The following XK variants were observed in gnomAD, a reference collection of about 807,000 sequenced individuals.
The protein encoded by XK is endoplasmic reticulum membrane adapter protein XK.
In XK, 2 loss-of-function variants were observed where a neutral mutation model predicts 14.0. That is an observed-to-expected ratio of 0.14 (90% CI 0.06 to 0.45). The LOEUF (loss-of-function observed/expected upper bound fraction) is 0.45, where lower values mean the gene tolerates loss of function less well. XK is among the 20% of genes least tolerant of loss of function. The pLI, the probability that XK is intolerant of heterozygous loss-of-function variation, is 0.98. For synonymous variants in XK, 149 were observed against 147.5 expected (o/e 1.01, Z -0.08); for missense variants, 235 against 341.5 (o/e 0.69, Z 2.46).
In XK at chrX:37,707,574, C is replaced by T. The variant is rs1212507837; in HGVS notation, c.508+13026C>T. ...GGGGCTCCTCACTTCTCAGACGGGGCGGCCGGGCAGAGATGCTCCTCACCT... is the reference window on the plus strand; with the variant it reads ...GGGGCTCCTCACTTCTCAGACGGGGTGGCCGGGCAGAGATGCTCCTCACCT... On this transcript the variant is annotated intron_variant, in intron 2 of 2. Transcript: ENST00000378616. 7.3e-5 allele frequency among the ~76,000 whole-genome samples: 8 copies of T among 109,007 alleles called. No homozygotes were observed. In the East Asian group the frequency reaches 1.8e-3, roughly 24 times the overall value. 94.7% of individuals were successfully genotyped at this position (109,007 alleles called of 115,157 possible).
Position 37,716,833 on chromosome X carries a change from A to G in XK, c.509-10803A>G, listed in dbSNP as rs373508197. On this transcript the variant is annotated intron_variant, in intron 2 of 2. Coordinates refer to ENST00000378616, the MANE Select transcript of XK (RefSeq NM_021083.4). The stretch of plus-strand genomic sequence containing the variant: ...TTGTTTGTTTTTTTGGTGTAACTCA[A>G]CTCACTGATGTCCCTTTTCTCTGCC... Among the ~76,000 whole-genome samples the G allele has an allele frequency of 3.6e-5, 4 of 111,558 alleles. No homozygotes were observed. The East Asian group carries it at 1.1e-3, about 31-fold the overall frequency.
At chrX:37,708,313 C>T (rs1192232411) in intron 2 of XK, among the ~76,000 whole-genome samples, 1 of 111,637 alleles carries the variant, frequency 9.0e-6, no homozygotes, top group Non-Finnish European at 1.9e-5. Flanking sequence ...AGGAGTGAAA[C>T]AAGATGCTGC....
In XK at chrX:37,685,994, G is replaced by C. The variant is rs1434040873; in HGVS notation, c.33G>C (p.Val11=). The C allele has an allele frequency of 5.8e-6, 7 of 1,207,772 alleles. No individual in the cohort carries two copies. Among genetic ancestry groups the C allele is most frequent in the Middle Eastern group, 2.7e-4 (1 of 3,741 alleles). MKFPASVLAS[V]FLFVAETTAA... is the part of the protein sequence containing the mutation. ...TCCCGGCCTCGGTGCTGGCGTCCGT[G>C]TTCCTGTTCGTGGCCGAGACAACGG... is the stretch of plus-strand genomic sequence containing the variant. The change falls in exon 1 of 3, where the codon GTG becomes GTC. Residue 11 remains valine, a synonymous_variant. Transcript: ENST00000378616.
chrX:37,713,923 A>G (rs1486396216), intron 2 of XK, among the ~76,000 whole-genome samples: 1 of 112,087 alleles, frequency 8.9e-6, no homozygotes, highest in East Asian at 2.8e-4. Context: ...CCTTGAACAC[A>G]TGGAAGGGTG....
intron 2 of XK, among the ~76,000 whole-genome samples, chrX:37,720,613 C>T (rs1322726206): frequency 2.7e-5 from 3 of 110,196 alleles, no homozygotes; most frequent in Non-Finnish European, 3.8e-5. Flanking sequence ...CTACTTCTTC[C>T]GTCACCCAAA....
intron 2 of XK, among the ~76,000 whole-genome samples, chrX:37,706,251 T>C (rs1170423533): frequency 8.9e-6 from 1 of 111,993 alleles, no homozygotes; most frequent in African/African-American, 3.2e-5. Context: ...TGAATGGTTG[T>C]AGCTTGGCTA....
intron 2 of XK, among the ~76,000 whole-genome samples, chrX:37,722,804 AC>A (rs1162975186): frequency 8.9e-6 from 1 of 112,125 alleles, no homozygotes; most frequent in Non-Finnish European, 1.9e-5. Flanking sequence ...AGCAACAGAC[AC>A]ACTGTTCCCT....
intron 1 of XK, among the ~76,000 whole-genome samples, chrX:37,693,476 C>CGTGTGTGTGT (rs781954179): frequency 0.015 from 1,441 of 95,865 alleles, 23 homozygotes; most frequent in African/African-American, 0.037. Context: ...TCTATCAATT[C>CGTGTGTGTGT]GTGTGTGTGT....
At chrX:37,716,424 G>A (rs781845421) in intron 2 of XK, among the ~76,000 whole-genome samples, 8 of 112,095 alleles carry the variant, frequency 7.1e-5, no homozygotes, top group Admixed American at 2.8e-4. Context: ...AGTACACTGA[G>A]GATTATTGTG....
In XK at chrX:37,731,610, A is replaced by G. The variant is rs1928089931; in HGVS notation, c.*3148A>G. ...TTATTTTTATTTTTTTACTGTTTGA[A>G]AAGAAATAAGTAGTGTCATTCATAT... On this transcript the variant is annotated 3_prime_UTR_variant, in exon 3 of 3. Transcript: ENST00000378616. 8.9e-6 allele frequency: 1 copy of G among 112,217 alleles called. No individual in the cohort carries two copies. The highest frequency in any genetic ancestry group is 1.9e-5 in the Non-Finnish European group (1 of 53,196). 9.2% of individuals were successfully genotyped at this position (112,217 alleles called of 1,213,427 possible).
intron 2 of XK, among the ~76,000 whole-genome samples, chrX:37,708,958 TATTA>T (rs1260061025): frequency 8.9e-6 from 1 of 112,503 alleles, no homozygotes; most frequent in Middle Eastern, 4.2e-3. Flanking sequence ...CATTCACATG[TATTA>T]ATTATAACTT....
At chrX:37,688,490 G>A (rs375801511) in intron 1 of XK, among the ~76,000 whole-genome samples, 1 of 111,869 alleles carries the variant, frequency 8.9e-6, no homozygotes, top group Non-Finnish European at 1.9e-5. Context: ...GTACTTACAT[G>A]CCTCAATTCA....
In XK at chrX:37,726,793, A is replaced by T. The variant is rs375388168; in HGVS notation, c.509-843A>T. ...AGGACTTTCAGCCCAAGACAGATAGACTCTCAGTAACAGTGAAGTTCTCGT... is the reference window on the plus strand; with the variant it reads ...AGGACTTTCAGCCCAAGACAGATAGTCTCTCAGTAACAGTGAAGTTCTCGT... On this transcript the variant is annotated intron_variant, in intron 2 of 2. Transcript: ENST00000378616. Among the ~76,000 whole-genome samples the T allele has an allele frequency of 5.4e-5, 6 of 111,960 alleles. No homozygotes were observed. The South Asian group carries it at 1.8e-3, about 34-fold the overall frequency.
rs1927270063 is a variant in XK at position 37,694,496 on chromosome X, G to A, written c.456G>A (p.Leu152=). 8.4e-7 allele frequency: 1 copy of A among 1,192,004 alleles called. No homozygotes were observed. The highest frequency in any genetic ancestry group is 1.1e-6 in the Non-Finnish European group (1 of 884,251). ...IQAFLGSAPQ[L]TLQLYISVMQ... is the part of the protein sequence containing the mutation. Reference sequence around the variant, plus strand: ...CTTTCTTGGGCTCAGCCCCCCAGCTGACCCTACAGCTGTACATAAGTGTCA... The same window carrying A: ...CTTTCTTGGGCTCAGCCCCCCAGCTAACCCTACAGCTGTACATAAGTGTCA... The change falls in exon 2 of 3, where the codon CTG becomes CTA. Residue 152 remains leucine, a synonymous_variant. Transcript: ENST00000378616.
intron 2 of XK, among the ~76,000 whole-genome samples, chrX:37,708,041 CA>C (rs1334245922): frequency 8.9e-6 from 1 of 112,362 alleles, no homozygotes; most frequent in Non-Finnish European, 1.9e-5. Flanking sequence ...CCATCTCCAC[CA>C]AAAAAATACG....
chrX:37,707,694 C>T (rs1225335605), intron 2 of XK, among the ~76,000 whole-genome samples: 2 of 110,456 alleles, frequency 1.8e-5, no homozygotes, highest in Admixed American at 9.5e-5. Flanking sequence ...GGATGGCGGC[C>T]GGGAAGAGGC....
At chrX:37,707,974 C>G (rs1927579127) in intron 2 of XK, among the ~76,000 whole-genome samples, 1 of 112,879 alleles carries the variant, frequency 8.9e-6, no homozygotes, top group Non-Finnish European at 1.9e-5. Context: ...GAGGCCAAGG[C>G]TGGCGGATCA....
At chrX:37,718,021 T>G (rs1927797470) in intron 2 of XK, among the ~76,000 whole-genome samples, 1 of 111,778 alleles carries the variant, frequency 8.9e-6, no homozygotes, top group Non-Finnish European at 1.9e-5. Context: ...CTAATAAACA[T>G]TTATCGAGTG....
chrX:37,715,889 G>A (rs1927756651), intron 2 of XK, among the ~76,000 whole-genome samples: 1 of 111,318 alleles, frequency 9.0e-6, no homozygotes, highest in African/African-American at 3.3e-5. Context: ...ATGGGCCAGG[G>A]GGGAGAATGC....
Sources: allele counts gnomAD v4.1 joint callset (sites outside exome capture counted in the v4.1 genomes callset), GRCh38; gene constraint gnomAD v4.1.1; transcripts MANE v1.5; gene names NCBI Gene and HGNC (gene_info 2026-07-23, HGNC 2026-07-21).